CNTNAP4: variants seen among roughly 807,000 people sequenced by gnomAD.
The protein encoded by CNTNAP4 is contactin-associated protein-like 4.
A neutral mutation model predicts 148.4 loss-of-function variants in CNTNAP4; 98 were observed. The ratio of observed to expected loss-of-function variants is 0.66; its 90% CI spans 0.56 to 0.78. CNTNAP4 has a LOEUF of 0.78. CNTNAP4 is among the 30% of genes least tolerant of loss of function. CNTNAP4 has a pLI of 0.00. For synonymous variants in CNTNAP4, 730 were observed against 565.1 expected, an observed-to-expected ratio of 1.29 and a Z score of -4.14; for missense variants, 1,935 against 1,565.6, an observed-to-expected ratio of 1.24 and a Z score of -3.98.
chr16:76,404,076 A>G (rs1260571893), intron 3 of CNTNAP4, among the ~76,000 whole-genome samples: 1 of 152,174 alleles, frequency 6.6e-6, no homozygotes, highest in East Asian at 1.9e-4. Flanking sequence ...AGACGAGCAG[A>G]AAAATTAACT....
chr16:76,378,532 A>G (rs965139347), intron 3 of CNTNAP4, among the ~76,000 whole-genome samples: 1 of 152,192 alleles, frequency 6.6e-6, no homozygotes, highest in Non-Finnish European at 1.5e-5. Flanking sequence ...AGGTCTGTCC[A>G]TATCACAGGT....
rs192257839 is a variant in CNTNAP4 at position 76,299,690 on chromosome 16, G to T, written c.86-16723G>T. 2.0e-5 allele frequency among the ~76,000 whole-genome samples: 3 copies of T among 152,234 alleles called. No homozygotes were observed. The East Asian group carries it at 5.8e-4, about 29-fold the overall frequency. On this transcript the variant is annotated intron_variant, in intron 1 of 23. Transcript: ENST00000611870. Reference sequence around the variant, plus strand: ...AAATCATGCTGCTATAAAGACACACGCACAGGTATGTTTATTGTGGCACTA... The same window carrying T: ...AAATCATGCTGCTATAAAGACACACTCACAGGTATGTTTATTGTGGCACTA...
At position 76,494,997 on chromosome 16, in the gene CNTNAP4, C is replaced by G; in HGVS notation, c.2168C>G (p.Thr723Ser). 6.2e-7 allele frequency: 1 copy of G among 1,613,484 alleles called. No individual in the cohort carries two copies. ...TCTTCGCCTGATCTTCAAAAATGTA[C>G]TTGTGGATTAGAGGGAAACTGCATT... ...GGSSPDLQKC[T>S]CGLEGNCIDS... Residue 723 changes from threonine to serine, a missense_variant, in exon 14 of 24, where the codon ACT (threonine) becomes AGT (serine). By Grantham distance (58) the Thr-to-Ser change is moderately conservative. Transcript: ENST00000611870.
intron 3 of CNTNAP4, among the ~76,000 whole-genome samples, chr16:76,374,751 T>TTATTAGTAG (rs1555536536): frequency 2.4e-4 from 30 of 127,056 alleles, no homozygotes; most frequent in Non-Finnish European, 4.3e-4. Flanking sequence ...ACTATTATTA[T>TTATTAGTAG]TATTATTATT....
intron 2 of CNTNAP4, among the ~76,000 whole-genome samples, chr16:76,329,125 G>C (rs1963283586): frequency 6.6e-6 from 1 of 152,190 alleles, no homozygotes; most frequent in African/African-American, 2.4e-5. Context: ...ATTTGTGTGT[G>C]CCTGTATAAT....
intron 2 of CNTNAP4, among the ~76,000 whole-genome samples, chr16:76,331,484 G>A (rs1462771598): frequency 1.3e-5 from 2 of 150,166 alleles, no homozygotes; most frequent in Admixed American, 6.6e-5. Flanking sequence ...TACCACGGCC[G>A]GCCTGTTTTT....
chr16:76,323,802 G>A (rs541634805), intron 2 of CNTNAP4, among the ~76,000 whole-genome samples: 1 of 152,188 alleles, frequency 6.6e-6, no homozygotes, highest in East Asian at 1.9e-4. Context: ...AAATCAATCT[G>A]ATGGTGTCAT....
At position 76,539,114 on chromosome 16, in the gene CNTNAP4, G is replaced by A. The variant is rs191975811; in HGVS notation, c.3221-605G>A. 3.6e-3 allele frequency among the ~76,000 whole-genome samples: 541 copies of A among 152,052 alleles called. 10 individuals are homozygous for A. Among genetic ancestry groups the A allele is most frequent in the Non-Finnish European group, 3.1e-3 (210 of 67,864 alleles). On this transcript the variant is annotated intron_variant, in intron 19 of 23. Coordinates refer to ENST00000611870, the MANE Select transcript of CNTNAP4 (RefSeq NM_033401.5). ...GCTTGAAGCTTATTTATATATTAGG[G>A]CATTTTCTTTGTCAAATTGAAAGAT...
intron 2 of CNTNAP4, among the ~76,000 whole-genome samples, chr16:76,318,638 A>G (rs1012276819): frequency 4.0e-5 from 6 of 151,370 alleles, no homozygotes; most frequent in Non-Finnish European, 5.9e-5. Flanking sequence ...GTGATTTATT[A>G]AAGGCTATAT....
rs143264953 is a variant in CNTNAP4 at position 76,547,446 on chromosome 16, A to G, written c.3443-5837A>G. Among the ~76,000 whole-genome samples the G allele has an allele frequency of 2.6e-3, 400 of 152,294 alleles. 1 individual carries two copies. The highest frequency in any genetic ancestry group is 8.9e-3 in the African/African-American group (371 of 41,576). ...ATGAAATTTATAATTACTATTTGTTATTTTTTGTGTCAAATACATAATGGC... is the reference window on the plus strand; with the variant it reads ...ATGAAATTTATAATTACTATTTGTTGTTTTTTGTGTCAAATACATAATGGC... On this transcript the variant is annotated intron_variant, in intron 21 of 23. Coordinates refer to ENST00000611870, the MANE Select transcript of CNTNAP4 (RefSeq NM_033401.5).
intron 3 of CNTNAP4, among the ~76,000 whole-genome samples, chr16:76,380,951 A>G (rs1452353034): frequency 6.6e-6 from 1 of 152,158 alleles, no homozygotes; most frequent in Non-Finnish European, 1.5e-5. Context: ...TCATCTTAGG[A>G]TTATTGAACT....
intron 19 of CNTNAP4, among the ~76,000 whole-genome samples, chr16:76,538,639 C>A (rs1483383526): frequency 6.6e-6 from 1 of 151,820 alleles, no homozygotes; most frequent in Admixed American, 6.6e-5. Context: ...TTCCATATGG[C>A]TATCAATATT....
intron 3 of CNTNAP4, among the ~76,000 whole-genome samples, chr16:76,366,609 CTT>C (rs1389252727): frequency 1.3e-5 from 2 of 152,070 alleles, no homozygotes; most frequent in Non-Finnish European, 2.9e-5. Flanking sequence ...GTGCATGTGT[CTT>C]TGTGGTAGAA....
rs1193748391 is a variant in CNTNAP4 at position 76,309,854 on chromosome 16, C to A, written c.86-6559C>A. 4 of 701,204 alleles carry A rather than the reference C, an allele frequency of 5.7e-6. No individual in the cohort carries two copies. The Admixed American group carries it at 6.0e-5, about 11-fold the overall frequency. 43.4% of individuals were successfully genotyped at this position (701,204 alleles called of 1,614,324 possible). ...GGGGTTTCCGCTTTTGCTGCTTCCT[C>A]ATTTTCTCTTGCAGCCGCCATGATT... is the stretch of plus-strand genomic sequence containing the variant. On this transcript the variant is annotated intron_variant, in intron 1 of 23. Coordinates refer to ENST00000611870, the MANE Select transcript of CNTNAP4 (RefSeq NM_033401.5).
At chr16:76,286,746 T>C (rs1399840316) in intron 1 of CNTNAP4, among the ~76,000 whole-genome samples, 1 of 152,192 alleles carries the variant, frequency 6.6e-6, no homozygotes, top group East Asian at 1.9e-4. Context: ...TCTCTCAATT[T>C]TGGCTGATTT....
At chr16:76,422,192 A>G (rs1279788358) in intron 3 of CNTNAP4, among the ~76,000 whole-genome samples, 2 of 152,178 alleles carry the variant, frequency 1.3e-5, no homozygotes, top group Non-Finnish European at 2.9e-5. Flanking sequence ...CACCAAGTCT[A>G]AAAGAAAAGA....
At chr16:76,478,341 A>T (rs921026681) in intron 11 of CNTNAP4, among the ~76,000 whole-genome samples, 4 of 152,226 alleles carry the variant, frequency 2.6e-5, no homozygotes, top group African/African-American at 9.6e-5. Context: ...AGTGCACAAA[A>T]TGCAAATGTG....
chr16:76,415,634 A>G (rs949746786), intron 3 of CNTNAP4, among the ~76,000 whole-genome samples: 12 of 127,358 alleles, frequency 9.4e-5, no homozygotes, highest in South Asian at 4.6e-4. Context: ...ATAAATGTAA[A>G]CACCTGTTTA....
At chr16:76,487,370 T>A (rs2082063857) in intron 12 of CNTNAP4, among the ~76,000 whole-genome samples, 1 of 152,210 alleles carries the variant, frequency 6.6e-6, no homozygotes, top group Admixed American at 6.5e-5. Context: ...CTATTGCTAT[T>A]CTCATAGAGC....
Sources: allele counts gnomAD v4.1 joint callset (sites outside exome capture counted in the v4.1 genomes callset), GRCh38; gene constraint gnomAD v4.1.1; transcripts MANE v1.5; gene names NCBI Gene and HGNC (gene_info 2026-07-23, HGNC 2026-07-21).